The following GLIS3 variants were observed in gnomAD, a reference collection of about 807,000 sequenced individuals.
GLIS3 encodes zinc finger protein GLIS3.
In GLIS3, 53 loss-of-function variants were observed where a neutral mutation model predicts 78.6. That is an observed-to-expected ratio of 0.67 (90% confidence interval 0.54 to 0.85). The LOEUF (loss-of-function observed/expected upper bound fraction) is 0.85. Ranked by LOEUF, GLIS3 falls within the 40% of genes least tolerant of loss-of-function variation. GLIS3 has a pLI of 0.00. For missense variants in GLIS3, 1,703 were observed against 1,231.1 expected (o/e 1.38, Z -5.74); for synonymous variants, 684 against 509.9 (o/e 1.34, Z -4.60).
At chr9:3,900,622 C>A (rs7870353) in intron 6 of GLIS3, among the ~76,000 whole-genome samples, 140,216 of 152,222 alleles carry the variant, frequency 0.92, 64,837 homozygotes, top group East Asian at 1. Flanking sequence ...ATTTGATGGA[C>A]TATTATGCAA....
intron 4 of GLIS3, among the ~76,000 whole-genome samples, chr9:3,949,704 A>G (rs1816539587): frequency 6.6e-6 from 1 of 152,254 alleles, no homozygotes; most frequent in Admixed American, 6.5e-5. Context: ...AATACATATT[A>G]GGTGCTCAAC....
rs115554117 is a variant in GLIS3, at chr9:4,030,874, T to A, written c.1710+86894A>T. On this transcript the variant is annotated intron_variant, in intron 4 of 10. Coordinates refer to ENST00000381971, the MANE Select transcript of GLIS3 (RefSeq NM_001042413.2). Reference sequence around the variant, plus strand: ...TAGTCACTAACACTGTAGCATCATGTGCTGACATTATCAAAAGCTGCTCAA... The same window carrying A: ...TAGTCACTAACACTGTAGCATCATGAGCTGACATTATCAAAAGCTGCTCAA... Among the ~76,000 whole-genome samples the A allele has an allele frequency of 5.9e-3, 906 of 152,358 alleles. 8 individuals carry two copies. The highest frequency in any genetic ancestry group is 0.02 in the African/African-American group (843 of 41,580).
intron 2 of GLIS3, among the ~76,000 whole-genome samples, chr9:4,274,129 A>C (rs1378039357): frequency 6.6e-6 from 1 of 152,158 alleles, no homozygotes; most frequent in Non-Finnish European, 1.5e-5. Flanking sequence ...GGTGGCTTGA[A>C]AAGGTCACCA....
chr9:4,141,126 G>A (rs1159613659), intron 2 of GLIS3, among the ~76,000 whole-genome samples: 2 of 152,144 alleles, frequency 1.3e-5, no homozygotes, highest in Non-Finnish European at 2.9e-5. Context: ...ACAGTCTTGT[G>A]TAGAAATCTA....
At position 4,158,377 on chromosome 9, in the gene GLIS3, G is replaced by A. The variant is rs190285441; in HGVS notation, c.389-32436C>T. Among the ~76,000 whole-genome samples the A allele has an allele frequency of 3.3e-3, 496 of 152,296 alleles. 3 individuals carry two copies. The highest frequency in any genetic ancestry group is 0.012 in the African/African-American group (482 of 41,572). Reference sequence around the variant, plus strand: ...TTACTGGGCTGTTACTGTCCCCTCTGTCACGGAATTATCTGGGCTGTTCAC... The same window carrying A: ...TTACTGGGCTGTTACTGTCCCCTCTATCACGGAATTATCTGGGCTGTTCAC... On this transcript the variant is annotated intron_variant, in intron 2 of 10. Transcript: ENST00000381971.
At chr9:4,241,301 T>C (rs1463300511) in intron 2 of GLIS3, among the ~76,000 whole-genome samples, 1 of 152,202 alleles carries the variant, frequency 6.6e-6, no homozygotes, top group Non-Finnish European at 1.5e-5. Flanking sequence ...TTTGCAAGAC[T>C]TGTATTTTAT....
intron 4 of GLIS3, among the ~76,000 whole-genome samples, chr9:4,085,653 G>C (rs1294977129): frequency 2.0e-5 from 3 of 152,174 alleles, no homozygotes; most frequent in Admixed American, 1.3e-4. Flanking sequence ...CTGGTGGGAG[G>C]TGACTAGCTT....
At chr9:3,898,477 TG>T in intron 7 of GLIS3, 1 of 624,200 alleles carries the variant, frequency 1.6e-6, no homozygotes, top group South Asian at 1.8e-5. Flanking sequence ...AAAGAGGTAA[TG>T]CATTATTTTA....
At chr9:4,412,639 T>C in the GLIS3 span, among the ~76,000 whole-genome samples, 1 of 152,144 alleles carries the variant, frequency 6.6e-6, no homozygotes, top group Non-Finnish European at 1.5e-5. Context: ...TTCTGATAAT[T>C]GTAAAAAAGC....
chr9:4,200,060 G>A (rs988293654), intron 2 of GLIS3, among the ~76,000 whole-genome samples: 3 of 152,144 alleles, frequency 2.0e-5, no homozygotes, highest in Non-Finnish European at 2.9e-5. Flanking sequence ...TGACCTTGGA[G>A]TAAACAATAA....
At chr9:3,888,729 C>T (rs549669222) in intron 7 of GLIS3, among the ~76,000 whole-genome samples, 10 of 152,272 alleles carry the variant, frequency 6.6e-5, no homozygotes, top group South Asian at 6.2e-4. Context: ...GGCCATCAGG[C>T]GCTTCAGGTT....
rs994178633 is a variant in GLIS3, at chr9:4,151,581, G to C, written c.389-25640C>G. Among the ~76,000 whole-genome samples, 8 of 152,256 alleles carry C rather than the reference G, an allele frequency of 5.3e-5. No homozygotes were observed. The South Asian group carries it at 1.5e-3, about 28-fold the overall frequency. ...TTACAAGCAGTAAGTGGGGCTCTAA[G>C]GCTATTATTTCTTGGCAAAATAACT... On this transcript the variant is annotated intron_variant, in intron 2 of 10. Coordinates refer to ENST00000381971, the MANE Select transcript of GLIS3 (RefSeq NM_001042413.2).
At chr9:4,103,411 C>T (rs1336002957) in intron 4 of GLIS3, among the ~76,000 whole-genome samples, 1 of 151,986 alleles carries the variant, frequency 6.6e-6, no homozygotes, top group Admixed American at 6.6e-5. Context: ...TAAGGAGAAG[C>T]CCGGCAACTG....
intron 4 of GLIS3, among the ~76,000 whole-genome samples, chr9:3,955,079 G>C (rs1055014162): frequency 6.6e-6 from 1 of 152,216 alleles, no homozygotes; most frequent in Non-Finnish European, 1.5e-5. Context: ...AGGCTGGGGA[G>C]AGAGAGCATA....
At chr9:4,325,902 G>A (rs1034842252) in intron 2 of GLIS3, among the ~76,000 whole-genome samples, 1 of 152,094 alleles carries the variant, frequency 6.6e-6, no homozygotes, top group Non-Finnish European at 1.5e-5. Flanking sequence ...TCCTTTGCTG[G>A]GACATGGATC....
At chr9:4,395,304 G>A in the GLIS3 span, among the ~76,000 whole-genome samples, 5 of 152,132 alleles carry the variant, frequency 3.3e-5, no homozygotes, top group African/African-American at 9.7e-5. Flanking sequence ...CCAAAACAAG[G>A]TGAGTCTTGT....
At chr9:4,384,628 C>A in the GLIS3 span, among the ~76,000 whole-genome samples, 1 of 151,616 alleles carries the variant, frequency 6.6e-6, no homozygotes, top group African/African-American at 2.4e-5. Context: ...CCCTGGACAG[C>A]AAGATGCCAC....
intron 4 of GLIS3, among the ~76,000 whole-genome samples, chr9:4,088,154 G>A (rs1157143062): frequency 6.6e-6 from 1 of 152,206 alleles, no homozygotes; most frequent in Non-Finnish European, 1.5e-5. Flanking sequence ...GAATAAAGAA[G>A]AAGGGAAAGA....
rs940644574 is a variant in GLIS3 at position 4,286,215 on chromosome 9, G to C, written c.211C>G (p.Gln71Glu). ...KMPSGGGMAP[Q>E]NNVAESRIHL... ...ATGCGGCTCTCAGCCACGTTGTTCT[G>C]AGGAGCCATCCCTCCTCCTGAGGGC... is the stretch of plus-strand genomic sequence containing the variant. Residue 71 changes from glutamine to glutamate, a missense_variant, in exon 2 of 11, where the codon CAG becomes GAG. Transcript: ENST00000381971. 13 of 1,614,098 alleles carry C rather than the reference G, an allele frequency of 8.1e-6. No homozygotes were observed. The Admixed American group carries it at 1.7e-4, about 21-fold the overall frequency.
Sources: gnomAD v4.1 joint callset for allele counts (sites outside exome capture counted in the v4.1 genomes callset) on GRCh38, gnomAD v4.1.1 for gene constraint, MANE v1.5 for transcripts, NCBI Gene and HGNC (gene_info 2026-07-23, HGNC 2026-07-21) for gene names.